The following ZSCAN25 variants were observed in gnomAD, a reference collection of about 807,000 sequenced individuals.
ZSCAN25 encodes the protein zinc finger and SCAN domain containing 25.
A neutral mutation model predicts 38.7 loss-of-function variants in ZSCAN25; 27 were observed. The observed-to-expected ratio is 0.70, with a 90% CI of 0.51 to 0.96. The LOEUF (loss-of-function observed/expected upper bound fraction) is 0.96, where lower values mean the gene tolerates loss of function less well. Among genes scored for constraint, ZSCAN25 ranks in the 40% least tolerant of loss-of-function variants. The pLI, the probability that ZSCAN25 is intolerant of heterozygous loss-of-function variation, is 0.00. For synonymous variants in ZSCAN25, 273 were observed against 277.7 expected (o/e 0.98, Z 0.17); for missense variants, 637 against 705.9 (o/e 0.90, Z 1.11).
At chr7:99,619,470 G>A (rs1806742269) in intron 3 of ZSCAN25, 91 bp from the exon 4 acceptor site, 2 of 1,063,106 alleles carry the variant, frequency 1.9e-6, no homozygotes, top group South Asian at 1.6e-5. Flanking sequence ...CCTTGTAAAA[G>A]GTAATTACTG....
At chr7:99,663,532 C>A in the ZSCAN25 span, 2 of 992,428 alleles carry the variant, frequency 2.0e-6, no homozygotes, top group South Asian at 4.6e-5. Flanking sequence ...CACTACATGT[C>A]AGCAGTCGGC....
chr7:99,657,763 G>A, the ZSCAN25 span, among the ~76,000 whole-genome samples: 1 of 152,274 alleles, frequency 6.6e-6, no homozygotes, highest in African/African-American at 2.4e-5. Flanking sequence ...GAATCTGGGT[G>A]CTCCTGTATT....
downstream of ZSCAN25, among the ~76,000 whole-genome samples, chr7:99,635,963 C>T (rs551092456): frequency 1.4e-5 from 2 of 145,188 alleles, no homozygotes; most frequent in African/African-American, 5.1e-5. Context: ...AGGAGAATGG[C>T]GTGAACCCGG....
the ZSCAN25 span, among the ~76,000 whole-genome samples, chr7:99,712,082 T>C: frequency 6.6e-6 from 1 of 152,192 alleles, no homozygotes; most frequent in African/African-American, 2.4e-5. Flanking sequence ...TTGGCCCCTC[T>C]CTTGATTTTT....
chr7:99,637,193 A>G (rs1808316841), downstream of ZSCAN25, among the ~76,000 whole-genome samples: 1 of 152,218 alleles, frequency 6.6e-6, no homozygotes, highest in Non-Finnish European at 1.5e-5. Flanking sequence ...TAAAAGGTGC[A>G]TATAATTTGA....
At position 99,624,179 on chromosome 7, in the gene ZSCAN25, A is replaced by G; in HGVS notation, c.804A>G (p.Pro268=). 6.2e-7 allele frequency: 1 copy of G among 1,613,504 alleles called. No homozygotes were observed. The highest frequency in any genetic ancestry group is 8.5e-7 in the Non-Finnish European group (1 of 1,179,892). The part of the protein sequence containing the change: ...YVEPQDCRVS[P]GGGSKEKEAK... ...AACCGCAGGACTGCAGGGTCTCTCC[A>G]GGTAAGACTGTCTCCACCCACAGGT... is the stretch of plus-strand genomic sequence containing the variant. The change falls in exon 7 of 8, where the codon CCA becomes CCG. Residue 268 remains proline (P), a splice_region_variant and synonymous_variant. Transcript: ENST00000394152.
the ZSCAN25 span, chr7:99,670,964 A>G: frequency 6.6e-6 from 1 of 152,240 alleles, no homozygotes; most frequent in Admixed American, 6.5e-5. Flanking sequence ...CTAGATATGT[A>G]CATTTTCTGT....
chr7:99,707,861 A>G, the ZSCAN25 span: 7 of 1,613,908 alleles, frequency 4.3e-6, no homozygotes. Flanking sequence ...GACTCTGACT[A>G]GAGCAAGTTT....
chr7:99,671,010 T>C, the ZSCAN25 span: 28 of 152,302 alleles, frequency 1.8e-4, no homozygotes, highest in African/African-American at 6.7e-4. Context: ...GTTCAATGAT[T>C]TTGAAAGACC....
chr7:99,714,617 T>G, the ZSCAN25 span: 16 of 1,613,232 alleles, frequency 9.9e-6, no homozygotes, highest in African/African-American at 4.0e-5. Context: ...AGAAAACTTA[T>G]AACTTTTCTT....
At chr7:99,716,790 A>G in the ZSCAN25 span, among the ~76,000 whole-genome samples, 1 of 152,196 alleles carries the variant, frequency 6.6e-6, no homozygotes, top group Non-Finnish European at 1.5e-5. Context: ...GTTCTCCATT[A>G]TAACTTTCCC....
the ZSCAN25 span, among the ~76,000 whole-genome samples, chr7:99,646,831 CACACACAT>C: frequency 1.3e-5 from 2 of 151,702 alleles, no homozygotes; most frequent in African/African-American, 4.9e-5. Flanking sequence ...CACACACACA[CACACACAT>C]GCATGCTCAC....
the ZSCAN25 span, among the ~76,000 whole-genome samples, chr7:99,736,146 G>A: frequency 2.0e-4 from 30 of 152,316 alleles, no homozygotes; most frequent in Admixed American, 1.8e-3. Context: ...TAGATAGAAA[G>A]TTAGACAGGT....
At chr7:99,718,136 G>A in the ZSCAN25 span, among the ~76,000 whole-genome samples, 3 of 152,198 alleles carry the variant, frequency 2.0e-5, no homozygotes, top group Admixed American at 1.3e-4. Flanking sequence ...GTGGGGAGAG[G>A]GGGGAAGGAT....
chr7:99,648,415 C>A, the ZSCAN25 span: 2 of 1,529,716 alleles, frequency 1.3e-6, no homozygotes, highest in African/African-American at 1.4e-5. Flanking sequence ...AATAGTTAAA[C>A]AAGCATATGG....
At chr7:99,737,955 T>C in the ZSCAN25 span, among the ~76,000 whole-genome samples, 1 of 152,198 alleles carries the variant, frequency 6.6e-6, no homozygotes, top group South Asian at 2.1e-4. Context: ...AGGAAGATAC[T>C]ATGCATTGGA....
At chr7:99,663,988 G>A in the ZSCAN25 span, 3 of 1,588,750 alleles carry the variant, frequency 1.9e-6, no homozygotes, top group South Asian at 1.2e-5. Context: ...TCGTTGAGGC[G>A]ACTTTTCTTC....
the ZSCAN25 span, among the ~76,000 whole-genome samples, chr7:99,669,398 C>T: frequency 1.7e-3 from 252 of 152,234 alleles, 1 homozygote; most frequent in African/African-American, 5.8e-3. Flanking sequence ...CGGACTCAAT[C>T]GTAAGGTAAA....
the ZSCAN25 span, among the ~76,000 whole-genome samples, chr7:99,729,494 A>G: frequency 1.3e-5 from 2 of 152,144 alleles, no homozygotes; most frequent in African/African-American, 4.8e-5. Context: ...TTCTTAATAT[A>G]AAAAGACAGG....
Sources: gnomAD v4.1 joint callset for allele counts (sites outside exome capture counted in the v4.1 genomes callset) on GRCh38, gnomAD v4.1.1 for gene constraint, MANE v1.5 for transcripts, NCBI Gene and HGNC (gene_info 2026-07-23, HGNC 2026-07-21) for gene names.